Variants in SEC14L1 observed in about 807,000 individuals in gnomAD.
SEC14L1 encodes the protein SEC14 like lipid binding 1.
SEC14L1 carries 48 observed loss-of-function variants against 85.3 expected under a neutral mutation model. The observed-to-expected ratio is 0.56, with a 90% CI of 0.45 to 0.72. SEC14L1 has a LOEUF of 0.72. SEC14L1 is among the 30% of genes least tolerant of loss of function. The pLI is 0.00. For missense variants in SEC14L1, 682 were observed against 921.4 expected (o/e 0.74, Z 3.36); for synonymous variants, 391 against 355.5 (o/e 1.10, Z -1.12).
chr17:77,209,255 C>T, intron 13 of SEC14L1, 87 bp from the exon 14 acceptor site: 2 of 1,505,254 alleles, frequency 1.3e-6, no homozygotes, highest in South Asian at 2.5e-5. Flanking sequence ...AAGTTGAGTG[C>T]AGGGGGATAG....
At chr17:77,122,079 C>T (rs1279715192) in intron 3 of SEC14L1, among the ~76,000 whole-genome samples, 1 of 152,188 alleles carries the variant, frequency 6.6e-6, no homozygotes, top group Non-Finnish European at 1.5e-5. Flanking sequence ...ACCGAGTCCA[C>T]CACTCAGGGG....
At chr17:77,111,396 G>T (rs1174456601) in intron 3 of SEC14L1, among the ~76,000 whole-genome samples, 11 of 140,768 alleles carry the variant, frequency 7.8e-5, no homozygotes, top group African/African-American at 2.9e-4. Context: ...CTTTTGAAGT[G>T]TTTTTTTTTT....
At chr17:77,114,038 C>T (rs1452997610) in intron 3 of SEC14L1, among the ~76,000 whole-genome samples, 1 of 152,180 alleles carries the variant, frequency 6.6e-6, no homozygotes, top group African/African-American at 2.4e-5. Context: ...GGAGAGAGAT[C>T]CCGGCTGCTA....
intron 3 of SEC14L1, among the ~76,000 whole-genome samples, chr17:77,123,261 G>A (rs1249925082): frequency 2.0e-5 from 3 of 151,542 alleles, no homozygotes; most frequent in Non-Finnish European, 4.4e-5. Context: ...ATGTTGGCCA[G>A]GATGGTCTTG....
chr17:77,105,221 G>T (rs1282643689), intron 3 of SEC14L1, among the ~76,000 whole-genome samples: 3 of 152,128 alleles, frequency 2.0e-5, no homozygotes, highest in Non-Finnish European at 4.4e-5. Context: ...GGGGGCCCAA[G>T]ATATTTTCCT....
At chr17:77,124,372 A>G (rs1326127607) in intron 3 of SEC14L1, among the ~76,000 whole-genome samples, 1 of 152,116 alleles carries the variant, frequency 6.6e-6, no homozygotes, top group African/African-American at 2.4e-5. Flanking sequence ...TCAAAACAAA[A>G]ACAAAAACCG....
intron 3 of SEC14L1, among the ~76,000 whole-genome samples, chr17:77,098,563 G>C (rs1411951507): frequency 1.3e-5 from 2 of 152,122 alleles, no homozygotes; most frequent in Non-Finnish European, 2.9e-5. Context: ...TCTATGCATG[G>C]GGACACCGTC....
chr17:77,206,539 A>C lies in SEC14L1; in HGVS notation c.1341+139A>C. ...AACATGCAAAGATATAAAATTTCTC[A>C]AATTGTTTAAGAAAGGGGAAAAACA... is the stretch of plus-strand genomic sequence containing the variant. On this transcript the variant is annotated intron_variant, in intron 12 of 16. Transcript: ENST00000436233. This position sits in a 1 kb window ranked among gnomAD's most constrained non-coding sequence, Gnocchi z 4.3. 1 of 1,294,634 alleles carries C rather than the reference A, an allele frequency of 7.7e-7. No individual in the cohort carries two copies. Among genetic ancestry groups the C allele is most frequent in the Non-Finnish European group, 1.1e-6 (1 of 951,602 alleles). 80.2% of individuals were successfully genotyped at this position (1,294,634 alleles called of 1,614,324 possible).
intron 3 of SEC14L1, among the ~76,000 whole-genome samples, chr17:77,126,820 G>T (rs1244700645): frequency 6.6e-6 from 1 of 152,170 alleles, no homozygotes; most frequent in African/African-American, 2.4e-5. Flanking sequence ...GGTCAGGCAG[G>T]AGTGGGCACC....
intron 1 of SEC14L1, 64 bp downstream of exon 1, chr17:77,141,171 C>T (rs1033366083): frequency 6.6e-6 from 1 of 151,908 alleles, no homozygotes; most frequent in African/African-American, 2.4e-5. Flanking sequence ...CCGTGGAGTC[C>T]GGCGCCTCTC....
chr17:77,183,998 C>T (rs1443021935), intron 3 of SEC14L1, among the ~76,000 whole-genome samples: 3 of 152,130 alleles, frequency 2.0e-5, no homozygotes, highest in South Asian at 4.1e-4. Context: ...GTTGGCCAGG[C>T]GGGTCTCGAA....
At chr17:77,165,324 C>T (rs1010116683) in intron 3 of SEC14L1, among the ~76,000 whole-genome samples, 20 of 152,272 alleles carry the variant, frequency 1.3e-4, no homozygotes, top group Admixed American at 1.3e-3. Flanking sequence ...GTGCTGACAA[C>T]ATGTGCTCAA....
At chr17:77,105,057 G>A (rs1355338281) in intron 3 of SEC14L1, among the ~76,000 whole-genome samples, 2 of 152,244 alleles carry the variant, frequency 1.3e-5, no homozygotes, top group East Asian at 1.9e-4. Flanking sequence ...AGATTGGTGA[G>A]ACGCGGTTTC....
chr17:77,152,521 G>A (rs1272478190), intron 3 of SEC14L1: 1 of 136,494 alleles, frequency 7.3e-6, no homozygotes, highest in African/African-American at 2.8e-5. Flanking sequence ...GGGTGACAGA[G>A]CGAGACTCCG....
chr17:77,215,616 G>A lies in SEC14L1; in HGVS notation c.*1593G>A, dbSNP rs1481155776. 3 of 989,372 alleles carry A rather than the reference G, an allele frequency of 3.0e-6. No homozygotes were observed. The highest frequency in any genetic ancestry group is 2.2e-4 in the East Asian group (2 of 9,066). 61.3% of individuals were successfully genotyped at this position (989,372 alleles called of 1,614,324 possible). ...GCCTGCACACTGTAGACGTCCCAGG[G>A]CCTGTGCTGTGATCACCTGCCTTTG... On this transcript the variant is annotated 3_prime_UTR_variant, in exon 17 of 17. Coordinates refer to ENST00000436233, the MANE Select transcript of SEC14L1 (RefSeq NM_001143998.2).
At chr17:77,165,231 C>T (rs994465172) in intron 3 of SEC14L1, among the ~76,000 whole-genome samples, 64 of 152,242 alleles carry the variant, frequency 4.2e-4, no homozygotes, top group Non-Finnish European at 1.6e-4. Context: ...CTGTGAACCC[C>T]GAATATCTGA....
intron 3 of SEC14L1, among the ~76,000 whole-genome samples, chr17:77,100,795 G>A (rs931676833): frequency 1.3e-5 from 2 of 152,042 alleles, no homozygotes; most frequent in African/African-American, 4.8e-5. Flanking sequence ...GCCTCTCAGC[G>A]TAACTTTACG....
chr17:77,156,126 G>A (rs1247069652), intron 3 of SEC14L1, among the ~76,000 whole-genome samples: 1 of 152,114 alleles, frequency 6.6e-6, no homozygotes, highest in African/African-American at 2.4e-5. Context: ...GACTCTAGCT[G>A]GCTGCATGCA....
chr17:77,172,951 T>G lies in SEC14L1; in HGVS notation c.64-17852T>G, dbSNP rs149569626. On this transcript the variant is annotated intron_variant, in intron 3 of 16. Coordinates refer to ENST00000436233, the MANE Select transcript of SEC14L1 (RefSeq NM_001143998.2). Reference sequence around the variant, plus strand: ...GCTCAGCTGCTGGGACGTTCTGACCTGGGGGATGCTCACGTTCCCAAATTG... The same window carrying G: ...GCTCAGCTGCTGGGACGTTCTGACCGGGGGGATGCTCACGTTCCCAAATTG... Among the ~76,000 whole-genome samples the G allele has an allele frequency of 3.7e-3, 571 of 152,310 alleles. 4 individuals carry two copies. Among genetic ancestry groups the G allele is most frequent in the African/African-American group, 0.013 (550 of 41,560 alleles).
Sources: gnomAD v4.1 joint callset for allele counts (sites outside exome capture counted in the v4.1 genomes callset) on GRCh38, gnomAD v4.1.1 for gene constraint, Gnocchi (gnomAD v3.1) non-coding constraint, MANE v1.5 for transcripts, NCBI Gene and HGNC (gene_info 2026-07-23, HGNC 2026-07-21) for gene names.